Variants in MAP3K15 observed in about 807,000 individuals in gnomAD.
MAP3K15 encodes the protein mitogen-activated protein kinase kinase kinase 15.
A neutral mutation model predicts 99.5 loss-of-function variants in MAP3K15; 124 were observed. The ratio of observed to expected loss-of-function variants is 1.25; its 90% CI spans 1.08 to 1.45. MAP3K15 has a LOEUF of 1.45. MAP3K15 is among the 40% of genes most tolerant of loss of function. The pLI is 0.00. For missense variants in MAP3K15, 1,242 were observed against 1,079.7 expected, an observed-to-expected ratio of 1.15 and a Z score of -2.11; for synonymous variants, 494 against 439.6, an observed-to-expected ratio of 1.12 and a Z score of -1.55.
At chrX:19,415,477 T>C (rs1431106427) in intron 9 of MAP3K15, among the ~76,000 whole-genome samples, 1 of 112,210 alleles carries the variant, frequency 8.9e-6, no homozygotes, top group Non-Finnish European at 1.9e-5. Context: ...CGTGGCTTTT[T>C]ACCAACATTG....
At position 19,464,379 on chromosome X, in the gene MAP3K15, G is replaced by A; in HGVS notation, c.553C>T (p.Pro185Ser). The A allele has an allele frequency of 8.4e-7, 1 of 1,188,055 alleles. No individual in the cohort carries two copies. The highest frequency in any genetic ancestry group is 1.1e-6 in the Non-Finnish European group (1 of 887,629). Reference sequence around the variant, plus strand: ...TCAGCGCACGGTGTCACGATGTATGGGATGAAATAATAATTTCCACTGGAT... The same window carrying A: ...TCAGCGCACGGTGTCACGATGTATGAGATGAAATAATAATTTCCACTGGAT... ...TASSGNYYFI[P>S]YIVTPCADYF... The change falls in exon 4 of 29, where the codon CCA becomes TCA. Residue 185 changes from proline to serine, a missense_variant. Transcript: ENST00000338883.
chrX:19,408,523 C>T (rs995658516), intron 12 of MAP3K15: 9 of 169,966 alleles, frequency 5.3e-5, no homozygotes, highest in Non-Finnish European at 9.3e-5. Context: ...CATTGTGCCA[C>T]ACACCTGTAG....
At position 19,360,609 on chromosome X, in the gene MAP3K15, A is replaced by AAAG. The variant is rs772075136; in HGVS notation, c.*139_*140insCTT. The AAAG allele has an allele frequency of 4.5e-4, 216 of 477,057 alleles. 3 individuals are homozygous for AAAG. The South Asian group carries it at 6.6e-3, about 15-fold the overall frequency. The allele number at this position is 477,057 out of a possible 1,213,427, so 39.3% of individuals were successfully genotyped here. On this transcript the variant is annotated 3_prime_UTR_variant, in exon 29 of 29. Transcript: ENST00000338883. The stretch of plus-strand genomic sequence containing the variant: ...TCAAAAGAAACTCAGGACAGTATTT[A>AAAG]AAACAAGTTCTTAAACTATTAATTG...
intron 9 of MAP3K15, among the ~76,000 whole-genome samples, chrX:19,418,467 T>C (rs2063755396): frequency 9.1e-6 from 1 of 109,328 alleles, no homozygotes; most frequent in East Asian, 2.9e-4. Flanking sequence ...ATGAATGAAA[T>C]GAAGTGAGAA....
At chrX:19,504,998 C>G (rs2064465989) in intron 1 of MAP3K15, among the ~76,000 whole-genome samples, 1 of 104,700 alleles carries the variant, frequency 9.6e-6, no homozygotes, top group South Asian at 4.2e-4. Context: ...GCTTGCCAAA[C>G]AGGTATAGGG....
At position 19,362,851 on chromosome X, in the gene MAP3K15, C is replaced by G; in HGVS notation, c.3567-1G>C. 1 of 945,047 alleles carries G rather than the reference C, an allele frequency of 1.1e-6. No individual in the cohort carries two copies. The highest frequency in any genetic ancestry group is 1.4e-6 in the Non-Finnish European group (1 of 697,022). 77.9% of individuals were successfully genotyped at this position (945,047 alleles called of 1,213,427 possible). A position where few individuals can be genotyped will look rare whatever the true frequency, so the allele number is the denominator to read the frequency against. On this transcript the variant is annotated splice_acceptor_variant, in intron 25 of 28. Transcript: ENST00000338883. LOFTEE classifies it high-confidence loss of function. ...TTTTTCAACTAGGTGTTCCAAAAGT[C>G]TGGTTTAAAAAAAAAAAAAAAAAGC...
At chrX:19,481,358 T>C (rs1388366983) in intron 3 of MAP3K15, among the ~76,000 whole-genome samples, 1 of 109,139 alleles carries the variant, frequency 9.2e-6, no homozygotes, top group East Asian at 2.9e-4. Context: ...GACATCTACC[T>C]CACACCAGAC....
intron 6 of MAP3K15, among the ~76,000 whole-genome samples, chrX:19,432,316 C>G (rs1036526744): frequency 1.8e-5 from 2 of 111,099 alleles, no homozygotes; most frequent in Non-Finnish European, 3.8e-5. Context: ...GTAATCCCAG[C>G]ACTTTGGGAG....
intron 10 of MAP3K15, 40 bp downstream of exon 10, chrX:19,415,067 T>A (rs773898566): frequency 1.8e-6 from 2 of 1,088,956 alleles, no homozygotes; most frequent in Non-Finnish European, 2.4e-6. Flanking sequence ...CCCTAGTTTT[T>A]TTCCTAATCT....
intron 19 of MAP3K15, among the ~76,000 whole-genome samples, chrX:19,375,005 C>T (rs1171422881): frequency 7.2e-5 from 8 of 111,202 alleles, no homozygotes; most frequent in East Asian, 5.7e-4. Context: ...GTGGAGAGGA[C>T]GCCCCAGCCA....
chrX:19,490,882 C>T (rs758567148), intron 1 of MAP3K15, among the ~76,000 whole-genome samples: 7 of 111,549 alleles, frequency 6.3e-5, no homozygotes, highest in Non-Finnish European at 1.1e-4. Context: ...GTATGGGGCA[C>T]CGTTTTAAAA....
chrX:19,435,282 G>C (rs1194549783), intron 6 of MAP3K15, among the ~76,000 whole-genome samples: 1 of 106,990 alleles, frequency 9.3e-6, no homozygotes, highest in African/African-American at 3.4e-5. Flanking sequence ...CTGGAGTGCA[G>C]TGGTACGATC....
At chrX:19,384,749 GAAAAAAAAAAAAAAA>G (rs34619145) in intron 18 of MAP3K15, among the ~76,000 whole-genome samples, 18 of 22,556 alleles carry the variant, frequency 8.0e-4, no homozygotes, top group South Asian at 3.8e-3. Flanking sequence ...TGTCTCAGGG[GAAAAAAAAAAAAAAA>G]AAAAAAAAAA....
intron 9 of MAP3K15, among the ~76,000 whole-genome samples, chrX:19,425,054 C>A (rs972754788): frequency 6.3e-5 from 7 of 111,421 alleles, no homozygotes; most frequent in African/African-American, 2.3e-4. Context: ...CAACAAACCA[C>A]GAACACACTT....
At chrX:19,369,803 C>G (rs10218309) in intron 24 of MAP3K15, among the ~76,000 whole-genome samples, 23,671 of 109,335 alleles carry the variant, frequency 0.22, 5,004 homozygotes, top group African/African-American at 0.66. Context: ...CCAGCTACTC[C>G]GGAGGCTGAG....
rs1456187206 is a variant in MAP3K15, at chrX:19,464,363, G to A, written c.569C>T (p.Pro190Leu). The A allele has an allele frequency of 9.2e-6, 11 of 1,194,540 alleles. No individual in the cohort carries two copies. Among genetic ancestry groups the A allele is most frequent in the Middle Eastern group, 2.3e-4 (1 of 4,358 alleles). ...CTCGCAGCAAAAATAATCAGCGCACGGTGTCACGATGTATGGGATGAAATA... is the reference window on the plus strand; with the variant it reads ...CTCGCAGCAAAAATAATCAGCGCACAGTGTCACGATGTATGGGATGAAATA... ...NYYFIPYIVT[P>L]CADYFCCESD... Residue 190 changes from proline to leucine, a missense_variant, in exon 4 of 29, where the codon CCG becomes CTG. Coordinates refer to ENST00000338883, the MANE Select transcript of MAP3K15 (RefSeq NM_001001671.4).
chrX:19,416,123 G>A (rs1178396798), intron 9 of MAP3K15, among the ~76,000 whole-genome samples: 3 of 111,574 alleles, frequency 2.7e-5, no homozygotes, highest in Non-Finnish European at 5.6e-5. Flanking sequence ...CTGAGGTCAG[G>A]AGTCCAAGAC....
intron 13 of MAP3K15, among the ~76,000 whole-genome samples, chrX:19,401,140 C>T (rs1033850945): frequency 9.0e-6 from 1 of 111,178 alleles, no homozygotes; most frequent in Non-Finnish European, 1.9e-5. Flanking sequence ...TTCCCCAGGA[C>T]GTGTGAGTTA....
At chrX:19,462,932 A>G (rs979983904) in intron 4 of MAP3K15, among the ~76,000 whole-genome samples, 7 of 112,527 alleles carry the variant, frequency 6.2e-5, no homozygotes, top group African/African-American at 2.3e-4. Context: ...TGAAATCACA[A>G]GAGTTGTTTG....
Sources: gnomAD v4.1 joint callset for allele counts (sites outside exome capture counted in the v4.1 genomes callset) on GRCh38, gnomAD v4.1.1 for gene constraint, MANE v1.5 for transcripts, NCBI Gene and HGNC (gene_info 2026-07-23, HGNC 2026-07-21) for gene names.